Variants in ZCCHC14 observed in about 807,000 individuals in gnomAD.
ZCCHC14 encodes the protein zinc finger CCHC-type containing 14, also known as zinc finger CCHC domain-containing protein 14.
A neutral mutation model predicts 85.0 loss-of-function variants in ZCCHC14; 16 were observed. The ratio of observed to expected loss-of-function variants is 0.19; its 90% CI spans 0.13 to 0.29. ZCCHC14 has a LOEUF of 0.29. Ranked by LOEUF, ZCCHC14 falls within the 10% of genes least tolerant of loss-of-function variation. The probability of loss-of-function intolerance (pLI) is 1.00; values close to 1 mark genes in which losing one functional copy is unlikely to be tolerated. For synonymous variants in ZCCHC14, 775 were observed against 630.7 expected (o/e 1.23, Z -3.43); for missense variants, 1,303 against 1,443.5 (o/e 0.90, Z 1.58).
chr16:87,448,608 G>A (rs1225020956), intron 2 of ZCCHC14, among the ~76,000 whole-genome samples: 2 of 152,002 alleles, frequency 1.3e-5, no homozygotes, highest in Admixed American at 6.6e-5. Flanking sequence ...GGCAATCCTC[G>A]AACACTACTG....
rs1159436063 is a variant in ZCCHC14 at position 87,492,289 on chromosome 16, GGCCGGGGGGC to G, written c.-61_-52del. ...CCGGGGCCGGGGACCGCGCGGGGGC[GGCCGGGGGGC>G]GCCGGGGGCCGCGGCCGGGGCGCGC... On this transcript the variant is annotated 5_prime_UTR_variant, in exon 1 of 13. Coordinates refer to ENST00000671377, the MANE Select transcript of ZCCHC14 (RefSeq NM_015144.3). This position sits in a 1 kb window ranked among gnomAD's most constrained non-coding sequence, Gnocchi z 6.7. The G allele has an allele frequency of 2.1e-6, 2 of 963,874 alleles. No individual in the cohort carries two copies. Among genetic ancestry groups the G allele is most frequent in the Non-Finnish European group, 2.5e-6 (2 of 814,028 alleles). The allele number at this position is 963,874 out of a possible 1,614,324, so 59.7% of individuals were successfully genotyped here.
In ZCCHC14 at chr16:87,412,033, C is replaced by T. The variant is rs150750079; in HGVS notation, c.2688G>A (p.Ser896=). ...GGGSTGNIPA[S]NPNHHHHHHH... ...GGTGGTGGTGGTGGTGGTTCGGATT[C>T]GAGGCAGGAATGTTTCCTGTGGAGC... Residue 896 remains serine (S), a synonymous_variant, in exon 12 of 13, where the codon TCG becomes TCA. Coordinates refer to ENST00000671377, the MANE Select transcript of ZCCHC14 (RefSeq NM_015144.3). 4.6e-4 allele frequency: 737 copies of T among 1,608,940 alleles called. 4 individuals are homozygous for T. In the African/African-American group the frequency reaches 8.3e-3, roughly 18 times the overall value.
chr16:87,431,829 G>A (rs1479758611), intron 3 of ZCCHC14, among the ~76,000 whole-genome samples: 1 of 152,170 alleles, frequency 6.6e-6, no homozygotes, highest in Non-Finnish European at 1.5e-5. Context: ...AGGGCACTCA[G>A]AGGGCCCCTG....
Position 87,410,095 on chromosome 16 carries a change from C to G in ZCCHC14, c.*185G>C, listed in dbSNP as rs1310676795. On this transcript the variant is annotated 3_prime_UTR_variant, in exon 13 of 13. Transcript: ENST00000671377. ...GCGAGTTCTGACACCAAGCTCCAATCTAGGGTTTTGGCAATAAATCGAGTT... is the reference window on the plus strand; with the variant it reads ...GCGAGTTCTGACACCAAGCTCCAATGTAGGGTTTTGGCAATAAATCGAGTT... 4.1e-6 allele frequency: 2 copies of G among 486,866 alleles called. No individual in the cohort carries two copies. Among genetic ancestry groups the G allele is most frequent in the East Asian group, 3.4e-5 (1 of 29,202 alleles). The allele number at this position is 486,866 out of a possible 1,614,324, so 30.2% of individuals were successfully genotyped here.
At chr16:87,454,435 A>G (rs895941340) in intron 2 of ZCCHC14, among the ~76,000 whole-genome samples, 2 of 152,262 alleles carry the variant, frequency 1.3e-5, no homozygotes, top group Non-Finnish European at 2.9e-5. Context: ...CAGAAATGCT[A>G]GAGGACTTTT....
rs547521071 is a variant in ZCCHC14, at chr16:87,460,111, G to A, written c.591C>T (p.Ala197=). Residue 197 remains alanine (A), a synonymous_variant, in exon 2 of 13, where the codon GCC becomes GCT. Transcript: ENST00000671377. ...AACTATTACTGACACTGCTGACAGG[G>A]GCCTCAGTTCTTGGAGTGATCTGAG... ...ACHKITPRTE[A]PVSSVSNSLE... The A allele has an allele frequency of 1.5e-5, 24 of 1,614,116 alleles. No homozygotes were observed. In the African/African-American group the frequency reaches 1.9e-4, roughly 13 times the overall value.
intron 1 of ZCCHC14, among the ~76,000 whole-genome samples, chr16:87,479,998 C>T (rs1239795539): frequency 6.6e-6 from 1 of 151,868 alleles, no homozygotes; most frequent in Non-Finnish European, 1.5e-5. Flanking sequence ...TGGTCTTGAA[C>T]TCCTGGCCTC....
At position 87,456,533 on chromosome 16, in the gene ZCCHC14, CAAAAAAAAAAAAAA is replaced by C. The variant is rs60817141; in HGVS notation, c.694+3461_694+3474del. 4.4e-4 allele frequency among the ~76,000 whole-genome samples: 28 copies of C among 63,372 alleles called. 1 individual carries two copies. Among genetic ancestry groups the C allele is most frequent in the Non-Finnish European group, 6.2e-4 (21 of 33,812 alleles). The allele number at this position is 63,372 out of a possible 152,430, so 41.6% of individuals were successfully genotyped here. On this transcript the variant is annotated intron_variant, in intron 2 of 12. Transcript: ENST00000671377. ...GGGCGACAGAGCAAGACTCTGTCTC[CAAAAAAAAAAAAAA>C]AAAAAAAAAAAAAAAATTTAGATTT...
intron 2 of ZCCHC14, among the ~76,000 whole-genome samples, chr16:87,457,898 A>C (rs2150756763): frequency 6.6e-6 from 1 of 152,304 alleles, no homozygotes; most frequent in African/African-American, 2.4e-5. Flanking sequence ...AGAATGCTGC[A>C]GGTAATTAAG....
At chr16:87,417,906 C>A in intron 7 of ZCCHC14, 164 bp from the exon 8 acceptor site, 1 of 753,080 alleles carries the variant, frequency 1.3e-6, no homozygotes, top group Non-Finnish European at 2.1e-6. Context: ...GCTATGACTG[C>A]CCTCCCTCCC....
rs1400669623 is a variant in ZCCHC14 at position 87,463,759 on chromosome 16, G to A, written c.571-3628C>T. On this transcript the variant is annotated intron_variant, in intron 1 of 12. Transcript: ENST00000671377. ...GATCGCTTCAACGCGGGAGGTGGAG[G>A]TTGCAGTGAGCTGAGATTACACCAT... is the stretch of plus-strand genomic sequence containing the variant. Among the ~76,000 whole-genome samples the A allele has an allele frequency of 5.9e-5, 9 of 152,170 alleles. No individual in the cohort carries two copies. In the East Asian group the frequency reaches 1.5e-3, roughly 26 times the overall value.
Position 87,408,939 on chromosome 16 carries a change from G to GT in ZCCHC14, c.*1340dup, listed in dbSNP as rs1908318960. 6.6e-6 allele frequency: 1 copy of GT among 152,630 alleles called. No homozygotes were observed. Among genetic ancestry groups the GT allele is most frequent in the African/African-American group, 2.4e-5 (1 of 41,448 alleles). The allele number at this position is 152,630 out of a possible 1,614,324, so 9.5% of individuals were successfully genotyped here. The stretch of plus-strand genomic sequence containing the variant: ...GAAGACTTTAGCATTTTCGATAAGA[G>GT]TATTATTTGAGCAGAAAATTCCCTT... On this transcript the variant is annotated 3_prime_UTR_variant, in exon 13 of 13. Transcript: ENST00000671377.
At chr16:87,437,031 G>A (rs985262830) in intron 2 of ZCCHC14, among the ~76,000 whole-genome samples, 28 of 152,054 alleles carry the variant, frequency 1.8e-4, no homozygotes, top group Admixed American at 3.3e-4. Flanking sequence ...TCTGTGGAGC[G>A]TAAGCAAATG....
chr16:87,450,648 G>C (rs1460362662), intron 2 of ZCCHC14, among the ~76,000 whole-genome samples: 1 of 141,872 alleles, frequency 7.0e-6, no homozygotes, highest in African/African-American at 2.7e-5. Context: ...TCGGCTCATT[G>C]CAACCTCCAC....
chr16:87,489,778 A>G (rs1239904696), intron 1 of ZCCHC14, among the ~76,000 whole-genome samples: 1 of 152,222 alleles, frequency 6.6e-6, no homozygotes, highest in Admixed American at 6.5e-5. Flanking sequence ...CCTATAAAAG[A>G]CATTTTTGTT....
At chr16:87,422,350 G>T (rs74826439) in intron 4 of ZCCHC14, among the ~76,000 whole-genome samples, 1 of 152,146 alleles carries the variant, frequency 6.6e-6, no homozygotes. Context: ...CAGCACCAGG[G>T]GTCTGAGGCT....
intron 3 of ZCCHC14, among the ~76,000 whole-genome samples, chr16:87,432,824 G>A (rs1036936654): frequency 7.9e-5 from 12 of 152,172 alleles, no homozygotes; most frequent in Non-Finnish European, 1.5e-4. Flanking sequence ...TTCTGTGTGC[G>A]CTGCTCCGCA....
In ZCCHC14 at chr16:87,492,869, C is replaced by T. The variant is rs1008101424; in HGVS notation, c.-631G>A. Among the ~76,000 whole-genome samples the T allele has an allele frequency of 1.3e-5, 2 of 148,326 alleles. No homozygotes were observed. Among genetic ancestry groups the T allele is most frequent in the Admixed American group, 1.3e-4 (2 of 15,006 alleles). ...AGGGATCCGGCCGGGACTTGCCGGC[C>T]TTGCTGCTCCCGCGCGGCGGACGGA... is the stretch of plus-strand genomic sequence containing the variant. On this transcript the variant is annotated 5_prime_UTR_variant, in exon 1 of 13. Transcript: ENST00000671377. This position sits in a 1 kb window ranked among gnomAD's most constrained non-coding sequence, Gnocchi z 6.7.
chr16:87,412,913 G>T lies in ZCCHC14; in HGVS notation c.1808C>A (p.Thr603Asn), dbSNP rs771020665. 36 of 1,601,750 alleles carry T rather than the reference G, an allele frequency of 2.2e-5. No homozygotes were observed. In the South Asian group the frequency reaches 3.5e-4, roughly 15 times the overall value. The change falls in exon 12 of 13, where the codon ACT becomes AAT. Residue 603 changes from threonine to asparagine, a missense_variant. By Grantham distance (65) the Thr-to-Asn change is moderately conservative (BLOSUM62 0). Coordinates refer to ENST00000671377, the MANE Select transcript of ZCCHC14 (RefSeq NM_015144.3). Reference protein sequence around the residue: ...EKPVMLLNHFTSSSARPTAQV... With the variant: ...EKPVMLLNHFNSSSARPTAQV... ...GGCCGTGGGTCTGGCGGAACTGGAA[G>T]TGAAGTGATTCAGCAGCATCACCGG...
Sources: allele counts gnomAD v4.1 joint callset (sites outside exome capture counted in the v4.1 genomes callset), GRCh38; gene constraint gnomAD v4.1.1; non-coding constraint Gnocchi (gnomAD v3.1); transcripts MANE v1.5; gene names NCBI Gene and HGNC (gene_info 2026-07-23, HGNC 2026-07-21).